The following METTL5 variants were observed in gnomAD, a reference collection of about 807,000 sequenced individuals.
The protein encoded by METTL5 is rRNA N(6)-adenosine-methyltransferase METTL5.
A neutral mutation model predicts 26.5 loss-of-function variants in METTL5; 28 were observed. That is an observed-to-expected ratio of 1.06 (90% CI 0.78 to 1.45). The LOEUF (loss-of-function observed/expected upper bound fraction) is 1.45, where lower values mean the gene tolerates loss of function less well. METTL5 is among the 40% of genes most tolerant of loss of function. The pLI, the probability that METTL5 is intolerant of heterozygous loss-of-function variation, is 0.00. For missense variants in METTL5, 231 were observed against 249.9 expected, an observed-to-expected ratio of 0.92 and a Z score of 0.51; for synonymous variants, 86 against 82.6, an observed-to-expected ratio of 1.04 and a Z score of -0.22.
chr2:169,818,496 G>A (rs2081540596), intron 4 of METTL5, among the ~76,000 whole-genome samples: 1 of 152,170 alleles, frequency 6.6e-6, no homozygotes, highest in South Asian at 2.1e-4. Flanking sequence ...GTTTACTGGT[G>A]TTTGCTTTCA....
intron 6 of METTL5, chr2:169,812,194 C>CA: frequency 1.7e-6 from 1 of 593,318 alleles, no homozygotes; most frequent in Non-Finnish European, 2.8e-6. Context: ...TATATTTACA[C>CA]AGGAAAGTTG....
chr2:169,812,501 G>T lies in METTL5; in HGVS notation c.547C>A (p.Arg183=). ...TTGTATGATGCTGGCAGGTCATATC[G>T]AAGTTCTGTAAAACAAAAGCCACCT... ...KIKIDIIAEL[R]YDLPASYKFH... is the part of the protein sequence containing the mutation. The change falls in exon 6 of 7, where the codon CGA becomes AGA. Residue 183 remains arginine, a synonymous_variant. Transcript: ENST00000260953. The T allele has an allele frequency of 6.2e-7, 1 of 1,613,412 alleles. No individual in the cohort carries two copies. Among genetic ancestry groups the T allele is most frequent in the Non-Finnish European group, 8.5e-7 (1 of 1,179,804 alleles).
intron 5 of METTL5, chr2:169,812,784 A>T: frequency 6.9e-6 from 2 of 288,462 alleles, no homozygotes; most frequent in Non-Finnish European, 1.3e-5. Flanking sequence ...ATCCTATGAA[A>T]ATGATGGTAC....
intron 4 of METTL5, among the ~76,000 whole-genome samples, chr2:169,819,076 C>T (rs191912115): frequency 1.3e-5 from 2 of 152,298 alleles, no homozygotes; most frequent in East Asian, 1.9e-4. Context: ...CCCCTTCCCC[C>T]AGTTTCCTGG....
At chr2:169,817,602 T>C (rs560780546) in intron 4 of METTL5, among the ~76,000 whole-genome samples, 1 of 152,016 alleles carries the variant, frequency 6.6e-6, no homozygotes, top group Admixed American at 6.6e-5. Flanking sequence ...TATGCAGCCA[T>C]AAAAAAGGAT....
chr2:169,819,705 A>G (rs1252434706), intron 3 of METTL5, 62 bp from the exon 4 acceptor site: 2 of 1,196,146 alleles, frequency 1.7e-6, no homozygotes, highest in African/African-American at 1.5e-5. Context: ...TTAAGTTAGT[A>G]GGATTTAGAA....
At chr2:169,820,607 T>C (rs1239652065) in intron 3 of METTL5, among the ~76,000 whole-genome samples, 1 of 152,238 alleles carries the variant, frequency 6.6e-6, no homozygotes, top group Admixed American at 6.5e-5. Context: ...ACTATACAAA[T>C]AAGAGATTGG....
chr2:169,824,395 G>T, intron 1 of METTL5, 94 bp downstream of exon 1: 1 of 1,027,056 alleles, frequency 9.7e-7, no homozygotes, highest in Non-Finnish European at 1.5e-6. Context: ...AATTTCTCTA[G>T]ACATTCTCTG....
chr2:169,824,401 C>T lies in METTL5; in HGVS notation c.109+88G>A, dbSNP rs2081624612. 47 of 1,073,082 alleles carry T rather than the reference C, an allele frequency of 4.4e-5. 1 individual carries two copies. In the South Asian group the frequency reaches 6.0e-4, roughly 14 times the overall value. The allele number at this position is 1,073,082 out of a possible 1,614,324, so 66.5% of individuals were successfully genotyped here. Reference sequence around the variant, plus strand: ...TTAGGGCAGAATTTCTCTAGACATTCTCTGTATCCAAATAACTGTTCTATT... The same window carrying T: ...TTAGGGCAGAATTTCTCTAGACATTTTCTGTATCCAAATAACTGTTCTATT... On this transcript the variant is annotated intron_variant, in intron 1 of 6. Coordinates refer to ENST00000260953, the MANE Select transcript of METTL5 (RefSeq NM_014168.4).
At chr2:169,813,302 G>C (rs1363502918) in intron 5 of METTL5, 1 of 151,052 alleles carries the variant, frequency 6.6e-6, no homozygotes, top group African/African-American at 2.4e-5. Flanking sequence ...TAATTTTTTG[G>C]TATTTTTTAG....
chr2:169,820,471 A>G (rs1376879525), intron 3 of METTL5, among the ~76,000 whole-genome samples: 1 of 152,250 alleles, frequency 6.6e-6, no homozygotes, highest in African/African-American at 2.4e-5. Flanking sequence ...TCCTGAAAGC[A>G]AATGGGAGAT....
intron 4 of METTL5, among the ~76,000 whole-genome samples, chr2:169,816,692 G>T (rs1203922654): frequency 1.3e-5 from 2 of 152,160 alleles, no homozygotes; most frequent in African/African-American, 4.8e-5. Flanking sequence ...AACAAGCAAT[G>T]GGAAAAGGAT....
chr2:169,822,812 A>G (rs1029200297), intron 1 of METTL5, among the ~76,000 whole-genome samples: 1 of 152,154 alleles, frequency 6.6e-6, no homozygotes, highest in Non-Finnish European at 1.5e-5. Context: ...ACATATACTC[A>G]TGATCTACAG....
At chr2:169,813,443 T>G (rs1284049568) in intron 5 of METTL5, among the ~76,000 whole-genome samples, 1 of 151,876 alleles carries the variant, frequency 6.6e-6, no homozygotes, top group African/African-American at 2.4e-5. Flanking sequence ...ATTCTTTATT[T>G]CTAACAAGGA....
chr2:169,822,507 A>C (rs1434707295), intron 1 of METTL5, among the ~76,000 whole-genome samples: 1 of 152,212 alleles, frequency 6.6e-6, no homozygotes, highest in Non-Finnish European at 1.5e-5. Context: ...AATTTCCAAA[A>C]TTGTTTTGAA....
Position 169,821,182 on chromosome 2 carries a change from G to T in METTL5, c.316C>A (p.Gln106Lys), listed in dbSNP as rs1284528687. 3.1e-6 allele frequency: 5 copies of T among 1,612,006 alleles called. No homozygotes were observed. Among genetic ancestry groups the T allele is most frequent in the Non-Finnish European group, 3.4e-6 (4 of 1,178,616 alleles). ...TTAGATAATAAGCACACATCACATT[G>T]AACCATGTCAATATTTGTTAACTCA... Reference protein sequence around the residue: ...EFELTNIDMVQCDVCLLSNRM... With the variant: ...EFELTNIDMVKCDVCLLSNRM... Residue 106 changes from glutamine (Q) to lysine (K), a missense_variant, in exon 3 of 7, where the codon CAA becomes AAA. By Grantham distance (53) the Gln-to-Lys change is moderately conservative. Transcript: ENST00000260953.
Position 169,824,706 on chromosome 2 carries a change from G to T in METTL5, c.-109C>A. On this transcript the variant is annotated 5_prime_UTR_variant, in exon 1 of 7. The change creates a new upstream start codon in the 5' untranslated region. Coordinates refer to ENST00000260953, the MANE Select transcript of METTL5 (RefSeq NM_014168.4). ...TACCCCCAACCTTCTCCCTTTTTCAGCACCGCTGGCCGGACCCGAAGACGC... is the reference window on the plus strand; with the variant it reads ...TACCCCCAACCTTCTCCCTTTTTCATCACCGCTGGCCGGACCCGAAGACGC... 1 of 916,098 alleles carries T rather than the reference G, an allele frequency of 1.1e-6. No individual in the cohort carries two copies. Among genetic ancestry groups the T allele is most frequent in the Non-Finnish European group, 1.8e-6 (1 of 568,876 alleles). The allele number at this position is 916,098 out of a possible 1,614,324, so 56.7% of individuals were successfully genotyped here.
intron 1 of METTL5, 75 bp from the exon 2 acceptor site, chr2:169,822,132 A>T: frequency 6.6e-7 from 1 of 1,522,792 alleles, no homozygotes; most frequent in Non-Finnish European, 8.8e-7. Context: ...GACTCTTTCT[A>T]AAATAATTTC....
At position 169,812,558 on chromosome 2, in the gene METTL5, A is replaced by G. The variant is rs369504774; in HGVS notation, c.542-52T>C. On this transcript the variant is annotated intron_variant, in intron 5 of 6. Transcript: ENST00000260953. ...AAAATTGTATTTCCAAGCGTTTACC[A>G]CCCTTGACTAAACAACAACAACAAC... The G allele has an allele frequency of 3.2e-6, 5 of 1,569,424 alleles. No homozygotes were observed. The African/African-American group carries it at 5.5e-5, about 17-fold the overall frequency.
Sources: gnomAD v4.1 joint callset for allele counts (sites outside exome capture counted in the v4.1 genomes callset) on GRCh38, gnomAD v4.1.1 for gene constraint, MANE v1.5 for transcripts, NCBI Gene and HGNC (gene_info 2026-07-23, HGNC 2026-07-21) for gene names.